Variants in RBFOX1 observed in about 807,000 individuals in gnomAD.
RBFOX1 encodes RNA binding protein fox-1 homolog 1.
In RBFOX1, 8 loss-of-function variants were observed where a neutral mutation model predicts 57.7. The ratio of observed to expected loss-of-function variants is 0.14; its 90% CI spans 0.08 to 0.25. The LOEUF (loss-of-function observed/expected upper bound fraction) is 0.25, where lower values mean the gene tolerates loss of function less well. RBFOX1 is among the 10% of genes least tolerant of loss of function. The probability of loss-of-function intolerance (pLI) is 1.00; values close to 1 mark genes in which losing one functional copy is unlikely to be tolerated. For synonymous variants in RBFOX1, 326 were observed against 222.4 expected (o/e 1.47, Z -4.15); for missense variants, 611 against 548.5 (o/e 1.11, Z -1.14).
At chr16:6,581,180 C>G (rs527461902) in intron 2 of RBFOX1, among the ~76,000 whole-genome samples, 55 of 152,088 alleles carry the variant, frequency 3.6e-4, no homozygotes, top group Non-Finnish European at 6.6e-4. Flanking sequence ...CACGCCCACC[C>G]CTAATGAAGC....
chr16:5,486,867 C>A (rs771280400), intron 2 of RBFOX1, among the ~76,000 whole-genome samples: 6 of 151,874 alleles, frequency 4.0e-5, no homozygotes, highest in Non-Finnish European at 8.8e-5. Context: ...GACTCCTTTA[C>A]TTGACCTGTG....
intron 2 of RBFOX1, among the ~76,000 whole-genome samples, chr16:6,382,017 G>A (rs1341978577): frequency 6.6e-6 from 1 of 152,220 alleles, no homozygotes; most frequent in Non-Finnish European, 1.5e-5. Context: ...CTTTTGGGCT[G>A]TGCCATCTCT....
chr16:7,304,370 G>C, intron 4 of RBFOX1: 1 of 985,406 alleles, frequency 1.0e-6, no homozygotes, highest in Non-Finnish European at 1.2e-6. Flanking sequence ...GGGCTCGGCG[G>C]GCGCCAGAGA....
rs912461346 is a variant in RBFOX1, at chr16:6,712,477, A to G, written c.-16+57827A>G. On this transcript the variant is annotated intron_variant, in intron 3 of 15. Transcript: ENST00000550418. ...CCTTTCCTCTCATCTCCCGAGGACT[A>G]TTTTCTCCCAGTTTTTTCCATCTCA... 6.6e-5 allele frequency among the ~76,000 whole-genome samples: 10 copies of G among 151,884 alleles called. No homozygotes were observed. In the East Asian group the frequency reaches 9.6e-4, roughly 15 times the overall value.
Position 7,310,892 on chromosome 16 carries a change from C to T in RBFOX1, c.28-207255C>T, listed in dbSNP as rs1013004067. Among the ~76,000 whole-genome samples, 12 of 152,316 alleles carry T rather than the reference C, an allele frequency of 7.9e-5. No individual in the cohort carries two copies. The Middle Eastern group carries it at 0.017, about 216-fold the overall frequency. On this transcript the variant is annotated intron_variant, in intron 4 of 15. Transcript: ENST00000550418. ...AAAGGCCCCTGTCCTCACAGATAGT[C>T]TGTTACGTTGTTCATCTCTTTGCCA...
intron 3 of RBFOX1, among the ~76,000 whole-genome samples, chr16:6,935,500 A>G (rs930193665): frequency 3.3e-5 from 5 of 152,162 alleles, no homozygotes; most frequent in South Asian, 2.1e-4. Context: ...ATTACATTTC[A>G]GGGTAATTTG....
intron 3 of RBFOX1, among the ~76,000 whole-genome samples, chr16:5,651,940 C>T (rs2049253950): frequency 6.6e-6 from 1 of 152,150 alleles, no homozygotes; most frequent in African/African-American, 2.4e-5. Flanking sequence ...CAAGACCAGC[C>T]TGGCCAACAT....
intron 3 of RBFOX1, among the ~76,000 whole-genome samples, chr16:6,912,291 C>G (rs1333283277): frequency 6.6e-6 from 1 of 152,058 alleles, no homozygotes; most frequent in African/African-American, 2.4e-5. Flanking sequence ...TGTGCTCAGC[C>G]CCAGATTTTC....
chr16:7,307,680 C>T (rs568898244), intron 4 of RBFOX1, among the ~76,000 whole-genome samples: 8 of 152,036 alleles, frequency 5.3e-5, no homozygotes, highest in Non-Finnish European at 1.0e-4. Flanking sequence ...GTTTTTTTGG[C>T]GTCTAGATAT....
At chr16:6,939,131 C>T (rs1476679617) in intron 3 of RBFOX1, among the ~76,000 whole-genome samples, 1 of 152,070 alleles carries the variant, frequency 6.6e-6, no homozygotes, top group African/African-American at 2.4e-5. Flanking sequence ...AGCAACCTGC[C>T]AAGGTCACAC....
rs181011944 is a variant in RBFOX1, at chr16:6,165,245, G to C, written c.-127+145253G>C. On this transcript the variant is annotated intron_variant, in intron 1 of 15. Transcript: ENST00000550418. ...TGATGAATGAAAGGCTTTACATACA[G>C]CAAGTGCTTAATAAATGACAGCTCA... 3.9e-4 allele frequency among the ~76,000 whole-genome samples: 59 copies of C among 152,210 alleles called. 1 individual carries two copies. Among genetic ancestry groups the C allele is most frequent in the Non-Finnish European group, 5.9e-5 (4 of 68,016 alleles).
chr16:5,592,524 C>G (rs556638385), intron 2 of RBFOX1, among the ~76,000 whole-genome samples: 1 of 151,912 alleles, frequency 6.6e-6, no homozygotes, highest in East Asian at 1.9e-4. Flanking sequence ...TCAAGCGATT[C>G]TCCTGCCTCA....
chr16:5,767,020 G>C (rs2053805620), intron 3 of RBFOX1, among the ~76,000 whole-genome samples: 2 of 152,194 alleles, frequency 1.3e-5, no homozygotes, highest in African/African-American at 2.4e-5. Flanking sequence ...TCTGGGTGTT[G>C]TGGTTTTCAC....
intron 4 of RBFOX1, among the ~76,000 whole-genome samples, chr16:7,370,708 G>T (rs1030165602): frequency 2.6e-5 from 4 of 152,344 alleles, no homozygotes; most frequent in South Asian, 4.1e-4. Flanking sequence ...AGGGACTTGT[G>T]AACTAGTGGC....
rs1254688335 is a variant in RBFOX1, at chr16:6,932,409, G to A, written c.-15-119648G>A. ...TGCATGAGCCACCATGCCCAGCCCAGATCATCTCCTAAAGGTCTCACCTCA... is the reference window on the plus strand; with the variant it reads ...TGCATGAGCCACCATGCCCAGCCCAAATCATCTCCTAAAGGTCTCACCTCA... On this transcript the variant is annotated intron_variant, in intron 3 of 15. Coordinates refer to ENST00000550418, the MANE Select transcript of RBFOX1 (RefSeq NM_018723.4). Among the ~76,000 whole-genome samples, 4 of 152,118 alleles carry A rather than the reference G, an allele frequency of 2.6e-5. No individual in the cohort carries two copies. In the South Asian group the frequency reaches 6.2e-4, roughly 24 times the overall value.
chr16:5,360,198 C>A (rs553314125), intron 1 of RBFOX1, among the ~76,000 whole-genome samples: 1 of 152,302 alleles, frequency 6.6e-6, no homozygotes, highest in Admixed American at 6.5e-5. Flanking sequence ...GACACGCAGG[C>A]CTGGGCAGAG....
chr16:6,366,291 T>A (rs982088480), intron 2 of RBFOX1, among the ~76,000 whole-genome samples: 1 of 152,184 alleles, frequency 6.6e-6, no homozygotes, highest in African/African-American at 2.4e-5. Context: ...TGACAGATGT[T>A]CTAAACTCAC....
At chr16:7,602,319 G>A (rs1453819580) in intron 9 of RBFOX1, among the ~76,000 whole-genome samples, 5 of 152,160 alleles carry the variant, frequency 3.3e-5, no homozygotes, top group Admixed American at 6.5e-5. Flanking sequence ...AACTGCTTGC[G>A]TATCTGATAC....
At chr16:7,605,753 C>T (rs2095259507) in intron 9 of RBFOX1, among the ~76,000 whole-genome samples, 1 of 152,156 alleles carries the variant, frequency 6.6e-6, no homozygotes, top group East Asian at 1.9e-4. Flanking sequence ...CTCTCAAAAA[C>T]ATTTATTAAA....
Sources: allele counts gnomAD v4.1 joint callset (sites outside exome capture counted in the v4.1 genomes callset), GRCh38; gene constraint gnomAD v4.1.1; transcripts MANE v1.5; gene names NCBI Gene and HGNC (gene_info 2026-07-23, HGNC 2026-07-21).